Variants in PIGO observed in about 807,000 individuals in gnomAD.
PIGO encodes GPI ethanolamine phosphate transferase 3, catalytic subunit.
A neutral mutation model predicts 86.9 loss-of-function variants in PIGO; 66 were observed. The observed-to-expected ratio is 0.76, with a 90% CI of 0.62 to 0.93. PIGO has a LOEUF of 0.93. Among genes scored for constraint, PIGO ranks in the 40% least tolerant of loss-of-function variants. The probability of loss-of-function intolerance (pLI) is 0.00; values close to 1 mark genes in which losing one functional copy is unlikely to be tolerated. For missense variants in PIGO, 1,202 were observed against 1,359.1 expected (o/e 0.88, Z 1.82); for synonymous variants, 570 against 556.4 (o/e 1.02, Z -0.34).
In PIGO at chr9:35,096,484, A is replaced by G. The variant is rs570223528; in HGVS notation, c.-331T>C. The G allele has an allele frequency of 6.6e-6, 1 of 152,382 alleles. No individual in the cohort carries two copies. 9.4% of individuals were successfully genotyped at this position (152,382 alleles called of 1,614,324 possible). A position where few individuals can be genotyped will look rare whatever the true frequency, so the allele number is the denominator to read the frequency against. On this transcript the variant is annotated 5_prime_UTR_variant, in exon 1 of 11. Transcript: ENST00000378617. ...TACTGAGCACCTTGGTTAGGAGCTG[A>G]GGGGAAGAGGGAGACTCCCTTACTT...
At chr9:35,091,108 C>G (rs895153563) in intron 7 of PIGO, 132 bp downstream of exon 7, 8 of 1,031,550 alleles carry the variant, frequency 7.8e-6, no homozygotes, top group African/African-American at 4.8e-5. Context: ...ACCAAGAAGA[C>G]CTTCCTAGTT....
At position 35,088,695 on chromosome 9, in the gene PIGO, A is replaced by G. The variant is rs1426369808; in HGVS notation, c.*397T>C. On this transcript the variant is annotated 3_prime_UTR_variant, in exon 11 of 11. Coordinates refer to ENST00000378617, the MANE Select transcript of PIGO (RefSeq NM_032634.4). ...CCACATCTCAGACACACATAATTAT[A>G]TTATCATTTTATTACACTTTTTTTT... The G allele has an allele frequency of 5.8e-6, 1 of 173,036 alleles. No individual in the cohort carries two copies. 10.7% of individuals were successfully genotyped at this position (173,036 alleles called of 1,614,324 possible).
chr9:35,093,617 T>C (rs757729329), intron 4 of PIGO, 37 bp from the exon 5 acceptor site: 3 of 1,554,148 alleles, frequency 1.9e-6, no homozygotes, highest in Non-Finnish European at 2.6e-6. Context: ...TAGAAACGGA[T>C]AAATATTTTT....
rs370844887 is a variant in PIGO, at chr9:35,093,409, C to T, written c.939+12G>A. On this transcript the variant is annotated intron_variant, in intron 5 of 10. Coordinates refer to ENST00000378617, the MANE Select transcript of PIGO (RefSeq NM_032634.4). ...TACTGGGAGAACAGATGAGGAACATCCCAGGCCTCACCTCTGGTGGGGTGC... is the reference window on the plus strand; with the variant it reads ...TACTGGGAGAACAGATGAGGAACATTCCAGGCCTCACCTCTGGTGGGGTGC... 4 of 1,613,968 alleles carry T rather than the reference C, an allele frequency of 2.5e-6. No homozygotes were observed. Among genetic ancestry groups the T allele is most frequent in the Non-Finnish European group, 3.4e-6 (4 of 1,179,960 alleles).
chr9:35,094,943 C>G, intron 2 of PIGO, 112 bp downstream of exon 2: 4 of 1,408,362 alleles, frequency 2.8e-6, no homozygotes, highest in Non-Finnish European at 3.8e-6. Flanking sequence ...CCTCTGTCCC[C>G]CTACACCATA....
At chr9:35,093,272 C>T in intron 5 of PIGO, 63 bp from the exon 6 acceptor site, 1 of 1,579,386 alleles carries the variant, frequency 6.3e-7, no homozygotes, top group Non-Finnish European at 8.6e-7. Flanking sequence ...TTTGGGATGG[C>T]AGACATAGGG....
rs914448887 is a variant in PIGO at position 35,095,727 on chromosome 9, T to C, written c.-1-161A>G. ...CCTCGCAATATTACTCTCCTCCTAT[T>C]TCCAGGCTGGGCATGGTGGCTCACG... On this transcript the variant is annotated intron_variant, in intron 1 of 10. Coordinates refer to ENST00000378617, the MANE Select transcript of PIGO (RefSeq NM_032634.4). 7 of 999,670 alleles carry C rather than the reference T, an allele frequency of 7.0e-6. No individual in the cohort carries two copies. The East Asian group carries it at 1.9e-4, about 27-fold the overall frequency. The allele number at this position is 999,670 out of a possible 1,614,324, so 61.9% of individuals were successfully genotyped here.
intron 4 of PIGO, 105 bp from the exon 5 acceptor site, chr9:35,093,685 T>C: frequency 7.0e-7 from 1 of 1,434,918 alleles, no homozygotes; most frequent in African/African-American, 1.4e-5. Context: ...TATAACTCCA[T>C]TAGTAAGGCC....
At position 35,090,087 on chromosome 9, in the gene PIGO, G is replaced by T; in HGVS notation, c.3048C>A (p.Tyr1016Ter). 1 of 1,614,110 alleles carries T rather than the reference G, an allele frequency of 6.2e-7. No individual in the cohort carries two copies. The highest frequency in any genetic ancestry group is 1.3e-5 in the African/African-American group (1 of 75,060). The change falls in exon 9 of 11, where the codon TAC becomes TAA. Residue 1016 changes from tyrosine to a stop codon, truncating the protein, a stop_gained. Transcript: ENST00000378617. LOFTEE classifies it high-confidence loss of function. ...CCACCTGAATACCAAGGATAAAGAG[G>T]TACTTGAGGCCCAGCTGCAGCAGTG... ...YAALLQLGLK[Y>*]LFILGIQILA... is the part of the protein sequence containing the mutation.
chr9:35,091,203 C>T, intron 7 of PIGO, 37 bp downstream of exon 7: 1 of 1,537,414 alleles, frequency 6.5e-7, no homozygotes, highest in South Asian at 1.3e-5. Context: ...ACTCACATCA[C>T]TATTGTCTTT....
At position 35,091,907 on chromosome 9, in the gene PIGO, C is replaced by A; in HGVS notation, c.1980G>T (p.Met660Ile). The A allele has an allele frequency of 6.2e-7, 1 of 1,614,216 alleles. No homozygotes were observed. The highest frequency in any genetic ancestry group is 8.5e-7 in the Non-Finnish European group (1 of 1,180,036). Residue 660 changes from methionine to isoleucine, a missense_variant, in exon 7 of 11, where the codon ATG becomes ATT. Physicochemically the swap from Met to Ile is conservative, Grantham distance 10 (BLOSUM62 1). Coordinates refer to ENST00000378617, the MANE Select transcript of PIGO (RefSeq NM_032634.4). ...SSPWLSPLAS[M>I]VGGRAKNLWY... is the part of the protein sequence containing the mutation. ...ACAAATTCTTGGCTCGACCACCCAC[C>A]ATGGATGCCAGAGGACTCAGCCAGG...
chr9:35,089,581 A>G, intron 9 of PIGO, 131 bp from the exon 10 acceptor site: 6 of 1,505,362 alleles, frequency 4.0e-6, no homozygotes, highest in Non-Finnish European at 5.3e-6. Context: ...AAAATATTGC[A>G]TGTCCTGGGC....
chr9:35,095,840 C>T, intron 1 of PIGO: 1 of 303,190 alleles, frequency 3.3e-6, no homozygotes, highest in South Asian at 5.3e-5. Context: ...ATGGCGAAAC[C>T]CCGTCCCTAC....
intron 6 of PIGO, 110 bp from the exon 7 acceptor site, chr9:35,092,877 C>G: frequency 9.4e-6 from 13 of 1,384,822 alleles, no homozygotes; most frequent in Non-Finnish European, 1.3e-5. Context: ...AGGACCCAAA[C>G]TCTGTCCAGA....
intron 1 of PIGO, 111 bp downstream of exon 1, chr9:35,096,044 G>A (rs918304820): frequency 7.6e-5 from 12 of 158,628 alleles, no homozygotes; most frequent in Admixed American, 6.6e-4. Context: ...GGATCTTCGA[G>A]GGGTAGAGCA....
At chr9:35,089,963 G>T in intron 9 of PIGO, 103 bp downstream of exon 9, 6 of 1,492,426 alleles carry the variant, frequency 4.0e-6, no homozygotes, top group African/African-American at 1.4e-5. Context: ...TCACTTATGT[G>T]AAACTCAGTC....
chr9:35,094,908 A>C, intron 2 of PIGO, 147 bp downstream of exon 2: 1 of 1,145,658 alleles, frequency 8.7e-7, no homozygotes, highest in Admixed American at 3.1e-5. Context: ...GCTCCCTACC[A>C]GCAGGGCCCT....
intron 7 of PIGO, 108 bp downstream of exon 7, chr9:35,091,132 G>A (rs1829396177): frequency 7.8e-7 from 1 of 1,277,028 alleles, no homozygotes; most frequent in Non-Finnish European, 1.1e-6. Flanking sequence ...TGGGGCATGG[G>A]ACCCTCTGTC....
Position 35,092,016 on chromosome 9 carries a change from A to T in PIGO, c.1871T>A (p.Leu624His). Residue 624 changes from leucine to histidine, a missense_variant, in exon 7 of 11, where the codon CTT (leucine) becomes CAT (histidine). By Grantham distance (99) the Leu-to-His change is moderately conservative. Coordinates refer to ENST00000378617, the MANE Select transcript of PIGO (RefSeq NM_032634.4). ...PRHNGAYALR[L>H]GIGLLLCTRL... The stretch of plus-strand genomic sequence containing the variant: ...TGTACATAAAAGCAACCCAATTCCA[A>T]GCCTCAGGGCATATGCACCATTGTG... 1 of 1,614,160 alleles carries T rather than the reference A, an allele frequency of 6.2e-7. No homozygotes were observed. Among genetic ancestry groups the T allele is most frequent in the African/African-American group, 1.3e-5 (1 of 75,032 alleles).
Sources: allele counts gnomAD v4.1 joint callset, GRCh38; gene constraint gnomAD v4.1.1; transcripts MANE v1.5; gene names NCBI Gene and HGNC (gene_info 2026-07-23, HGNC 2026-07-21).